The following MACROD2 variants were observed in gnomAD, a reference collection of about 807,000 sequenced individuals.
MACROD2 encodes ADP-ribose glycohydrolase MACROD2.
Under a neutral mutation model 70.4 loss-of-function variants are expected in MACROD2, and 36 were observed. The observed-to-expected ratio is 0.51, with a 90% confidence interval of 0.39 to 0.68. The LOEUF is 0.68. Ranked by LOEUF, MACROD2 falls within the 30% of genes least tolerant of loss-of-function variation. The pLI, the probability that MACROD2 is intolerant of heterozygous loss-of-function variation, is 0.00. For synonymous variants in MACROD2, 172 were observed against 178.8 expected, an observed-to-expected ratio of 0.96 and a Z score of 0.30; for missense variants, 496 against 538.4, an observed-to-expected ratio of 0.92 and a Z score of 0.78.
chr20:14,422,145 G>A (rs2083882554), intron 3 of MACROD2, among the ~76,000 whole-genome samples: 2 of 152,040 alleles, frequency 1.3e-5, no homozygotes, highest in South Asian at 4.1e-4. Context: ...CCTTTTATCA[G>A]TATATAATGT....
At chr20:15,100,608 A>G (rs2075864844) in intron 5 of MACROD2, among the ~76,000 whole-genome samples, 1 of 152,174 alleles carries the variant, frequency 6.6e-6, no homozygotes, top group Admixed American at 6.5e-5. Context: ...ATGGCTTTCC[A>G]AGAGTTCATT....
At chr20:16,002,970 C>A (rs1483438118) in intron 15 of MACROD2, among the ~76,000 whole-genome samples, 2 of 152,164 alleles carry the variant, frequency 1.3e-5, no homozygotes, top group African/African-American at 2.4e-5. Flanking sequence ...TCCTCAGTTG[C>A]ACTTTCAATG....
rs145194695 is a variant in MACROD2 at position 14,063,305 on chromosome 20, T to C, written c.164-22316T>C. ...AATTTATTTCTTTATAGGGGAATGTTTCAGGTCAATTAGAAATTCTACTTC... is the reference window on the plus strand; with the variant it reads ...AATTTATTTCTTTATAGGGGAATGTCTCAGGTCAATTAGAAATTCTACTTC... On this transcript the variant is annotated intron_variant, in intron 2 of 17. Transcript: ENST00000684519. Among the ~76,000 whole-genome samples, 68 of 152,320 alleles carry C rather than the reference T, an allele frequency of 4.5e-4. No individual in the cohort carries two copies. In the East Asian group the frequency reaches 9.3e-3, roughly 21 times the overall value.
intron 5 of MACROD2, among the ~76,000 whole-genome samples, chr20:14,865,442 T>A (rs2122398498): frequency 6.6e-6 from 1 of 152,142 alleles, no homozygotes; most frequent in East Asian, 1.9e-4. Flanking sequence ...TGTGTTAAAT[T>A]CCCTTAAGTT....
At chr20:15,608,360 C>A (rs1480251426) in intron 8 of MACROD2, among the ~76,000 whole-genome samples, 2 of 152,228 alleles carry the variant, frequency 1.3e-5, no homozygotes, top group Admixed American at 1.3e-4. Flanking sequence ...AATGTAAACA[C>A]AGGCTTTAAA....
chr20:14,346,975 A>G lies in MACROD2; in HGVS notation c.272-146504A>G, dbSNP rs551938257. Among the ~76,000 whole-genome samples, 8 of 152,340 alleles carry G rather than the reference A, an allele frequency of 5.3e-5. No homozygotes were observed. In the South Asian group the frequency reaches 1.4e-3, roughly 28 times the overall value. On this transcript the variant is annotated intron_variant, in intron 3 of 17. Transcript: ENST00000684519. ...ATAGGTTGGACAAAACCATCTCATG[A>G]CATAGATATATAGGTTCTTGAGCAA... is the stretch of plus-strand genomic sequence containing the variant.
At chr20:15,530,102 TTTTA>T (rs1319014236) in intron 8 of MACROD2, among the ~76,000 whole-genome samples, 3 of 152,170 alleles carry the variant, frequency 2.0e-5, no homozygotes, top group Non-Finnish European at 4.4e-5. Flanking sequence ...GCCTAAAAAG[TTTTA>T]TTTGTTACCT....
chr20:15,331,060 A>G (rs1300113789), intron 6 of MACROD2, among the ~76,000 whole-genome samples: 1 of 150,270 alleles, frequency 6.7e-6, no homozygotes, highest in Non-Finnish European at 1.5e-5. Flanking sequence ...TTAATATGAA[A>G]AACTAGACAA....
At chr20:15,934,186 G>C (rs6110837) in intron 11 of MACROD2, among the ~76,000 whole-genome samples, 18 of 152,108 alleles carry the variant, frequency 1.2e-4, no homozygotes, top group Non-Finnish European at 1.9e-4. Flanking sequence ...CACTTCTGAA[G>C]TAGTGAGCCC....
chr20:14,996,229 A>G (rs2074948299), intron 5 of MACROD2, among the ~76,000 whole-genome samples: 3 of 152,224 alleles, frequency 2.0e-5, no homozygotes, highest in African/African-American at 2.4e-5. Flanking sequence ...TGCTCTGCAC[A>G]TGGCTGCTAG....
chr20:15,198,860 C>T (rs2076630103), intron 5 of MACROD2, among the ~76,000 whole-genome samples: 2 of 152,102 alleles, frequency 1.3e-5, no homozygotes, highest in Non-Finnish European at 2.9e-5. Context: ...TCCACCAGTG[C>T]TTATGTGTGC....
At chr20:14,673,920 C>CAA (rs1175764543) in intron 4 of MACROD2, among the ~76,000 whole-genome samples, 1,347 of 50,886 alleles carry the variant, frequency 0.026, 40 homozygotes, top group African/African-American at 0.079. Context: ...AACTCCATCT[C>CAA]AAAAAAAAAA....
chr20:14,133,582 A>G (rs909749380), intron 3 of MACROD2, among the ~76,000 whole-genome samples: 2 of 152,206 alleles, frequency 1.3e-5, no homozygotes, highest in African/African-American at 2.4e-5. Flanking sequence ...GTAAAGAGGT[A>G]CCATTTCAGA....
chr20:16,015,376 C>A (rs1296198658), intron 15 of MACROD2, among the ~76,000 whole-genome samples: 1 of 152,020 alleles, frequency 6.6e-6, no homozygotes, highest in Non-Finnish European at 1.5e-5. Context: ...AATTGGAGGT[C>A]CCCACCCAAT....
chr20:15,252,332 G>A (rs1015900092), intron 6 of MACROD2, among the ~76,000 whole-genome samples: 9 of 152,210 alleles, frequency 5.9e-5, no homozygotes, highest in African/African-American at 2.2e-4. Flanking sequence ...TCATGCTGAA[G>A]TGGCAAGTGA....
chr20:14,839,650 T>C (rs1436475101), intron 5 of MACROD2, among the ~76,000 whole-genome samples: 2 of 152,086 alleles, frequency 1.3e-5, no homozygotes, highest in African/African-American at 2.4e-5. Flanking sequence ...TTTGGAGGCA[T>C]TGACCATTTA....
intron 4 of MACROD2, among the ~76,000 whole-genome samples, chr20:14,516,296 C>G (rs1185788827): frequency 6.6e-6 from 1 of 151,912 alleles, no homozygotes; most frequent in African/African-American, 2.4e-5. Context: ...TGCAGAAGCT[C>G]TTTAGTTTAA....
chr20:14,608,384 C>T (rs1982949406), intron 4 of MACROD2, among the ~76,000 whole-genome samples: 1 of 152,060 alleles, frequency 6.6e-6, no homozygotes, highest in Non-Finnish European at 1.5e-5. Flanking sequence ...TTACATTAAT[C>T]CTATTTTGCT....
At chr20:14,147,723 TC>T (rs756901933) in intron 3 of MACROD2, among the ~76,000 whole-genome samples, 25 of 152,184 alleles carry the variant, frequency 1.6e-4, no homozygotes, top group Non-Finnish European at 3.4e-4. Flanking sequence ...GGACAGACTT[TC>T]CATGCTCGAG....
Sources: gnomAD v4.1 joint callset for allele counts (sites outside exome capture counted in the v4.1 genomes callset) on GRCh38, gnomAD v4.1.1 for gene constraint, MANE v1.5 for transcripts, NCBI Gene and HGNC (gene_info 2026-07-23, HGNC 2026-07-21) for gene names.